Variants in CTNNBL1 observed in about 807,000 individuals in gnomAD.
The protein encoded by CTNNBL1 is catenin beta like 1.
In CTNNBL1, 31 loss-of-function variants were observed where a neutral mutation model predicts 72.7. That is an observed-to-expected ratio of 0.43 (90% CI 0.32 to 0.58). The LOEUF is 0.58. Ranked by LOEUF, CTNNBL1 falls within the 20% of genes least tolerant of loss-of-function variation. The pLI is 0.08. For missense variants in CTNNBL1, 534 were observed against 725.1 expected (o/e 0.74, Z 3.03); for synonymous variants, 240 against 267.3 (o/e 0.90, Z 1.00).
chr20:37,779,580 C>T (rs1031196045), intron 10 of CTNNBL1, among the ~76,000 whole-genome samples: 4 of 152,092 alleles, frequency 2.6e-5, no homozygotes, highest in African/African-American at 4.8e-5. Context: ...GTTGCTAATA[C>T]GTCCACTCCA....
At chr20:37,757,755 G>A (rs2073377907) in intron 5 of CTNNBL1, 99 bp downstream of exon 5, 1 of 803,400 alleles carries the variant, frequency 1.2e-6, no homozygotes. Flanking sequence ...GAACTCCACG[G>A]CAAGGCTGGA....
intron 11 of CTNNBL1, among the ~76,000 whole-genome samples, chr20:37,829,107 TG>T (rs1332847529): frequency 6.6e-5 from 10 of 152,144 alleles, no homozygotes; most frequent in East Asian, 1.9e-4. Context: ...TCTGTCCATC[TG>T]GGGGGCAGGG....
intron 1 of CTNNBL1, among the ~76,000 whole-genome samples, chr20:37,711,361 G>A (rs998308207): frequency 2.0e-5 from 3 of 151,862 alleles, no homozygotes; most frequent in Non-Finnish European, 4.4e-5. Context: ...TTTTGGGGCG[G>A]TTAGCAAATT....
intron 6 of CTNNBL1, among the ~76,000 whole-genome samples, chr20:37,767,743 C>A (rs2073483577): frequency 6.6e-6 from 1 of 152,166 alleles, no homozygotes; most frequent in Non-Finnish European, 1.5e-5. Context: ...TGAGTTCCAT[C>A]ATTTTCAGTT....
chr20:37,754,855 T>G (rs2073349911), intron 4 of CTNNBL1, among the ~76,000 whole-genome samples: 1 of 152,050 alleles, frequency 6.6e-6, no homozygotes, highest in African/African-American at 2.4e-5. Context: ...TCACCCAGGC[T>G]GGAGTGCAGT....
At chr20:37,742,725 T>TA (rs529331367) in intron 3 of CTNNBL1, among the ~76,000 whole-genome samples, 144 of 107,198 alleles carry the variant, frequency 1.3e-3, no homozygotes, top group South Asian at 5.5e-3. Flanking sequence ...TGTTATTGAT[T>TA]AAAAAAAAAT....
At chr20:37,729,202 T>A (rs939366050) in intron 1 of CTNNBL1, among the ~76,000 whole-genome samples, 7 of 152,232 alleles carry the variant, frequency 4.6e-5, no homozygotes, top group African/African-American at 1.7e-4. Flanking sequence ...TCTTGGTAGA[T>A]TAGCAGTTTT....
chr20:37,720,490 A>T lies in CTNNBL1; in HGVS notation c.31-12389A>T, dbSNP rs115905546. On this transcript the variant is annotated intron_variant, in intron 1 of 15. Transcript: ENST00000361383. The stretch of plus-strand genomic sequence containing the variant: ...ACTTAAAAACCTTTTCGACAGGATG[A>T]ATTAAATAAATTATTTTTTAAACTA... Among the ~76,000 whole-genome samples the T allele has an allele frequency of 9.4e-3, 1,432 of 152,294 alleles. 27 individuals are homozygous for T. Among genetic ancestry groups the T allele is most frequent in the African/African-American group, 0.033 (1,368 of 41,546 alleles).
chr20:37,732,403 C>G lies in CTNNBL1; in HGVS notation c.31-476C>G, dbSNP rs6126011. 2.8e-3 allele frequency among the ~76,000 whole-genome samples: 429 copies of G among 152,308 alleles called. 5 individuals carry two copies. Among genetic ancestry groups the G allele is most frequent in the East Asian group, 0.017 (88 of 5,186 alleles). ...TGTGAATTAAAACCAGGTGCTAAGA[C>G]GCTGGCATTGGGAGTTATATCTTGA... is the stretch of plus-strand genomic sequence containing the variant. On this transcript the variant is annotated intron_variant, in intron 1 of 15. Transcript: ENST00000361383.
chr20:37,714,975 T>C (rs1311829181), intron 1 of CTNNBL1, among the ~76,000 whole-genome samples: 1 of 152,124 alleles, frequency 6.6e-6, no homozygotes, highest in African/African-American at 2.4e-5. Context: ...TCCATACTCT[T>C]TTCACCGCAC....
intron 5 of CTNNBL1, among the ~76,000 whole-genome samples, chr20:37,762,904 C>T (rs1177279056): frequency 6.6e-6 from 1 of 152,178 alleles, no homozygotes. Flanking sequence ...AAAGATTTTC[C>T]TCCAGCCAGA....
chr20:37,825,658 A>T (rs1345645374), intron 11 of CTNNBL1, among the ~76,000 whole-genome samples: 1 of 152,184 alleles, frequency 6.6e-6, no homozygotes. Flanking sequence ...CTGGGCAACA[A>T]GAGCAAAACC....
chr20:37,858,569 G>C (rs914106796), intron 13 of CTNNBL1, among the ~76,000 whole-genome samples: 1 of 150,844 alleles, frequency 6.6e-6, no homozygotes, highest in East Asian at 2.0e-4. Context: ...AGTGTTCACA[G>C]TGCCCAGGAT....
At chr20:37,709,500 CAA>C (rs1180436147) in intron 1 of CTNNBL1, among the ~76,000 whole-genome samples, 1 of 152,194 alleles carries the variant, frequency 6.6e-6, no homozygotes, top group Admixed American at 6.5e-5. Flanking sequence ...TAAAAAGAAA[CAA>C]ATTGTAGCTA....
At chr20:37,745,489 G>C (rs1387629803) in intron 3 of CTNNBL1, among the ~76,000 whole-genome samples, 1 of 152,142 alleles carries the variant, frequency 6.6e-6, no homozygotes, top group Non-Finnish European at 1.5e-5. Context: ...TTTTTATATG[G>C]TAGACATTGT....
intron 7 of CTNNBL1, 24 bp downstream of exon 7, chr20:37,768,068 C>G: frequency 6.3e-7 from 1 of 1,576,218 alleles, no homozygotes; most frequent in Non-Finnish European, 8.7e-7. Flanking sequence ...TGGGGAACTG[C>G]AGCTCACACC....
intron 6 of CTNNBL1, among the ~76,000 whole-genome samples, chr20:37,765,918 T>A (rs1341187500): frequency 1.3e-5 from 2 of 152,238 alleles, no homozygotes; most frequent in Non-Finnish European, 2.9e-5. Context: ...ATATCCTATT[T>A]AAAATTGTGT....
chr20:37,771,428 TA>T (rs2052533247), intron 7 of CTNNBL1, among the ~76,000 whole-genome samples: 1 of 152,236 alleles, frequency 6.6e-6, no homozygotes, highest in Admixed American at 6.5e-5. Flanking sequence ...TTCACTATGC[TA>T]TTACCCATTC....
At chr20:37,747,081 A>G (rs543184283) in intron 4 of CTNNBL1, among the ~76,000 whole-genome samples, 1 of 151,506 alleles carries the variant, frequency 6.6e-6, no homozygotes, top group African/African-American at 2.4e-5. Flanking sequence ...GTTCATTCCT[A>G]GTTCCTAAAA....
Sources: gnomAD v4.1 joint callset for allele counts (sites outside exome capture counted in the v4.1 genomes callset) on GRCh38, gnomAD v4.1.1 for gene constraint, MANE v1.5 for transcripts, NCBI Gene and HGNC (gene_info 2026-07-23, HGNC 2026-07-21) for gene names.